The following SPTA1 variants were observed in gnomAD, a reference collection of about 807,000 sequenced individuals.
SPTA1 encodes the protein spectrin alpha, erythrocytic 1, also known as spectrin alpha chain, erythrocytic 1.
In SPTA1, 177 loss-of-function variants were observed where a neutral mutation model predicts 324.7. That is an observed-to-expected ratio of 0.55 (90% CI 0.48 to 0.62). The LOEUF (loss-of-function observed/expected upper bound fraction) is 0.62, where lower values mean the gene tolerates loss of function less well. SPTA1 is among the 20% of genes least tolerant of loss of function. The pLI, the probability that SPTA1 is intolerant of heterozygous loss-of-function variation, is 0.00. For missense variants in SPTA1, 3,162 were observed against 2,883.6 expected (o/e 1.10, Z -2.21); for synonymous variants, 1,195 against 1,041.3 (o/e 1.15, Z -2.84).
chr1:158,671,268 G>A, intron 12 of SPTA1, 75 bp downstream of exon 12: 2 of 1,049,158 alleles, frequency 1.9e-6, no homozygotes, highest in South Asian at 2.6e-5. Context: ...GAGCAATGCT[G>A]TCTGGGGACA....
chr1:158,627,680 A>G lies in SPTA1; in HGVS notation c.5609T>C (p.Val1870Ala), dbSNP rs749495338. ...CACATTTTGTACTCGGGTCTCATGG[A>G]CAGCAAAGTCATTTTCCAAAGCTTC... ...KHEALENDFA[V>A]HETRVQNVCA... is the part of the protein sequence containing the mutation. Residue 1870 changes from valine (V) to alanine (A), a missense_variant, in exon 40 of 52, where the codon GTC becomes GCC. Coordinates refer to ENST00000643759, the MANE Select transcript of SPTA1 (RefSeq NM_003126.4). The G allele has an allele frequency of 3.7e-6, 6 of 1,613,366 alleles. No individual in the cohort carries two copies. The highest frequency in any genetic ancestry group is 5.1e-6 in the Non-Finnish European group (6 of 1,179,748).
intron 8 of SPTA1, 97 bp downstream of exon 8, chr1:158,676,044 C>T: frequency 6.5e-7 from 1 of 1,537,878 alleles, no homozygotes; most frequent in Non-Finnish European, 8.9e-7. Context: ...AGCTGATTCT[C>T]TCGCTATTTG....
chr1:158,640,077 A>AC, intron 33 of SPTA1, 70 bp from the exon 34 acceptor site: 1 of 1,609,576 alleles, frequency 6.2e-7, no homozygotes, highest in East Asian at 2.2e-5. Flanking sequence ...TTGAGAGAAT[A>AC]ATGTAGGAAG....
chr1:158,675,555 C>A (rs781686669), intron 8 of SPTA1, among the ~76,000 whole-genome samples: 5 of 152,124 alleles, frequency 3.3e-5, no homozygotes, highest in Admixed American at 6.6e-5. Flanking sequence ...TAGTACCAAA[C>A]ACTATATACA....
intron 50 of SPTA1, 148 bp from the exon 51 acceptor site, chr1:158,613,109 T>C: frequency 4.7e-6 from 4 of 855,462 alleles, no homozygotes; most frequent in Non-Finnish European, 7.5e-6. Flanking sequence ...AGATGGGTTA[T>C]GCTCTCCATT....
intron 33 of SPTA1, among the ~76,000 whole-genome samples, chr1:158,641,127 T>C (rs1456605306): frequency 6.6e-6 from 1 of 151,650 alleles, no homozygotes; most frequent in East Asian, 1.9e-4. Flanking sequence ...TGAAACTGGA[T>C]CCTTTCCTTA....
chr1:158,671,526 G>A, intron 11 of SPTA1, 73 bp from the exon 12 acceptor site: 1 of 1,215,918 alleles, frequency 8.2e-7, no homozygotes, highest in Non-Finnish European at 1.2e-6. Context: ...ATATCTCTGA[G>A]ACAAGGACTA....
rs374965507 is a variant in SPTA1 at position 158,644,504 on chromosome 1, T to C, written c.4195-108A>G. 11 of 1,306,924 alleles carry C rather than the reference T, an allele frequency of 8.4e-6. No homozygotes were observed. The African/African-American group carries it at 8.7e-5, about 10-fold the overall frequency. The allele number at this position is 1,306,924 out of a possible 1,614,324, so 81.0% of individuals were successfully genotyped here. On this transcript the variant is annotated intron_variant, in intron 29 of 51. Transcript: ENST00000643759. ...CACAAAGGGTTTTGCAAGGAGTACT[T>C]ACCATCTTCCAAGAAACACTCATGT...
intron 39 of SPTA1, 75 bp from the exon 40 acceptor site, chr1:158,627,798 G>T: frequency 7.1e-7 from 1 of 1,398,808 alleles, no homozygotes; most frequent in Non-Finnish European, 1.0e-6. Context: ...CAGACTCACG[G>T]GTCTATTATT....
At chr1:158,639,841 G>C (rs1452412888) in intron 34 of SPTA1, 29 bp downstream of exon 34, 11 of 1,613,746 alleles carry the variant, frequency 6.8e-6, no homozygotes, top group Admixed American at 1.7e-5. Context: ...TTAAACTCTT[G>C]TGTCTCTACT....
chr1:158,635,419 A>G (rs1650995303), intron 38 of SPTA1, among the ~76,000 whole-genome samples: 1 of 151,590 alleles, frequency 6.6e-6, no homozygotes, highest in Non-Finnish European at 1.5e-5. Flanking sequence ...TGTACAGCCT[A>G]TGAAACTATG....
Position 158,661,381 on chromosome 1 carries a change from A to G in SPTA1, c.2493T>C (p.Leu831=), listed in dbSNP as rs2518493. 2.0e-5 allele frequency: 32 copies of G among 1,613,608 alleles called. 1 individual carries two copies. The African/African-American group carries it at 2.5e-4, about 13-fold the overall frequency. The change falls in exon 18 of 52, where the codon CTT becomes CTC. Residue 831 remains leucine, a synonymous_variant. Coordinates refer to ENST00000643759, the MANE Select transcript of SPTA1 (RefSeq NM_003126.4). The part of the protein sequence containing the change: ...LGKDLIASKK[L]LNRHRVILEN... ...CCAGGATGACTCTATGCCTATTCAGAAGCTTTTTGGAAGCAATCAGGTCCT... is the reference window on the plus strand; with the variant it reads ...CCAGGATGACTCTATGCCTATTCAGGAGCTTTTTGGAAGCAATCAGGTCCT...
intron 39 of SPTA1, among the ~76,000 whole-genome samples, chr1:158,633,333 G>C (rs1242953768): frequency 6.6e-6 from 1 of 152,146 alleles, no homozygotes; most frequent in African/African-American, 2.4e-5. Context: ...CATGAGATCT[G>C]TCTGTGTTAT....
intron 21 of SPTA1, among the ~76,000 whole-genome samples, chr1:158,654,308 G>T (rs1003209729): frequency 5.3e-5 from 8 of 152,106 alleles, no homozygotes; most frequent in African/African-American, 1.9e-4. Flanking sequence ...GAAAGAAAGA[G>T]ACAGCTTAGC....
At chr1:158,651,889 C>T (rs1652463279) in intron 23 of SPTA1, among the ~76,000 whole-genome samples, 1 of 147,628 alleles carries the variant, frequency 6.8e-6, no homozygotes, top group Non-Finnish European at 1.5e-5. Context: ...TGCTCTCTCT[C>T]TCTCTCTCTC....
chr1:158,615,005 A>G, intron 48 of SPTA1: 1 of 567,610 alleles, frequency 1.8e-6, no homozygotes, highest in Non-Finnish European at 3.1e-6. Flanking sequence ...GGTGATGAGT[A>G]GGCTCAGGTG....
At chr1:158,639,526 A>C in intron 35 of SPTA1, 56 bp downstream of exon 35, 1 of 1,569,314 alleles carries the variant, frequency 6.4e-7, no homozygotes, top group Non-Finnish European at 8.8e-7. Context: ...TGGGAGGGAG[A>C]AGAGCCAGAA....
chr1:158,639,850 C>T lies in SPTA1; in HGVS notation c.4875+20G>A, dbSNP rs746945203. On this transcript the variant is annotated intron_variant, in intron 34 of 51. Coordinates refer to ENST00000643759, the MANE Select transcript of SPTA1 (RefSeq NM_003126.4). Reference sequence around the variant, plus strand: ...TATGTATTAAACTCTTGTGTCTCTACTGTTTCCGGGTGCAATTACCTCTGA... The same window carrying T: ...TATGTATTAAACTCTTGTGTCTCTATTGTTTCCGGGTGCAATTACCTCTGA... The T allele has an allele frequency of 2.5e-5, 41 of 1,613,904 alleles. No individual in the cohort carries two copies. In the South Asian group the frequency reaches 4.3e-4, roughly 17 times the overall value.
intron 23 of SPTA1, among the ~76,000 whole-genome samples, chr1:158,652,097 T>G (rs1359933217): frequency 1.3e-5 from 2 of 152,184 alleles, no homozygotes; most frequent in Admixed American, 6.5e-5. Context: ...GGTTCTTCCT[T>G]CTTCCACCCC....
Sources: gnomAD v4.1 joint callset for allele counts (sites outside exome capture counted in the v4.1 genomes callset) on GRCh38, gnomAD v4.1.1 for gene constraint, MANE v1.5 for transcripts, NCBI Gene and HGNC (gene_info 2026-07-23, HGNC 2026-07-21) for gene names.